The following GALNT14 variants were observed in gnomAD, a reference collection of about 807,000 sequenced individuals.
GALNT14 encodes UDP-GalNAc:polypeptide N-acetylgalactosaminyltransferase 14.
Under a neutral mutation model 77.5 loss-of-function variants are expected in GALNT14, and 60 were observed. The ratio of observed to expected loss-of-function variants is 0.77; its 90% CI spans 0.63 to 0.96. GALNT14 has a LOEUF of 0.96. Among genes scored for constraint, GALNT14 ranks in the 40% least tolerant of loss-of-function variants. The pLI is 0.00. For missense variants in GALNT14, 710 were observed against 731.0 expected (o/e 0.97, Z 0.33); for synonymous variants, 280 against 281.7 (o/e 0.99, Z 0.06).
the GALNT14 span, among the ~76,000 whole-genome samples, chr2:30,893,066 T>C: frequency 6.6e-6 from 1 of 152,220 alleles, no homozygotes; most frequent in African/African-American, 2.4e-5. Flanking sequence ...ATGAGAATGT[T>C]GTATAGCAAA....
chr2:30,944,415 T>C (rs1030252901), intron 8 of GALNT14, among the ~76,000 whole-genome samples: 1 of 152,208 alleles, frequency 6.6e-6, no homozygotes, highest in Non-Finnish European at 1.5e-5. Flanking sequence ...CAGCTGTGCT[T>C]ATGAATATGT....
intron 1 of GALNT14, among the ~76,000 whole-genome samples, chr2:31,067,602 C>T (rs1209944023): frequency 6.6e-6 from 1 of 152,136 alleles, no homozygotes; most frequent in Non-Finnish European, 1.5e-5. Flanking sequence ...AGGTGGCTTT[C>T]CATGCCTCAG....
chr2:30,888,003 G>A, the GALNT14 span, among the ~76,000 whole-genome samples: 6 of 152,170 alleles, frequency 3.9e-5, no homozygotes, highest in Non-Finnish European at 8.8e-5. Context: ...CTGTACTGCT[G>A]TTTCTTTCCC....
intron 1 of GALNT14, among the ~76,000 whole-genome samples, chr2:31,021,883 G>A (rs764837641): frequency 4.6e-5 from 7 of 152,342 alleles, no homozygotes; most frequent in Admixed American, 6.5e-5. Context: ...ATGTGATGTG[G>A]ATAGGTCCTT....
intron 2 of GALNT14, among the ~76,000 whole-genome samples, chr2:30,990,616 A>T (rs981329615): frequency 6.6e-6 from 1 of 152,246 alleles, no homozygotes; most frequent in Non-Finnish European, 1.5e-5. Context: ...TTGCTGATCC[A>T]GTTGGTGGCC....
chr2:30,970,913 G>C (rs1227207545), intron 2 of GALNT14, among the ~76,000 whole-genome samples: 1 of 152,162 alleles, frequency 6.6e-6, no homozygotes, highest in Non-Finnish European at 1.5e-5. Flanking sequence ...CTGAACTAAG[G>C]CTCAGAATCT....
chr2:30,939,678 G>T (rs1666263211), intron 9 of GALNT14, among the ~76,000 whole-genome samples: 1 of 152,116 alleles, frequency 6.6e-6, no homozygotes, highest in Admixed American at 6.5e-5. Flanking sequence ...GAGAGTATTG[G>T]AGCAGATGGA....
At chr2:30,893,058 G>A in the GALNT14 span, among the ~76,000 whole-genome samples, 1 of 152,148 alleles carries the variant, frequency 6.6e-6, no homozygotes, top group East Asian at 1.9e-4. Flanking sequence ...AAATGTACAT[G>A]AGAATGTTGT....
At chr2:30,897,701 G>A in the GALNT14 span, among the ~76,000 whole-genome samples, 1 of 152,206 alleles carries the variant, frequency 6.6e-6, no homozygotes, top group Non-Finnish European at 1.5e-5. Flanking sequence ...GCTCAGCAGA[G>A]GAGGCCGGGA....
chr2:31,022,932 C>T (rs1441457384), intron 1 of GALNT14, among the ~76,000 whole-genome samples: 1 of 152,184 alleles, frequency 6.6e-6, no homozygotes, highest in African/African-American at 2.4e-5. Flanking sequence ...GTCTGCTTAT[C>T]CAGGAGCTCA....
intron 3 of GALNT14, among the ~76,000 whole-genome samples, chr2:30,959,503 G>A (rs1667561038): frequency 6.6e-6 from 1 of 152,214 alleles, no homozygotes; most frequent in African/African-American, 2.4e-5. Flanking sequence ...CTTACTACAA[G>A]CTGTGTAATC....
intron 1 of GALNT14, among the ~76,000 whole-genome samples, chr2:31,046,978 G>A (rs1173392032): frequency 3.3e-5 from 5 of 152,162 alleles, no homozygotes; most frequent in Admixed American, 2.0e-4. Context: ...CTAAAGTTCC[G>A]GGCAGTTGAA....
chr2:31,020,561 C>G lies in GALNT14; in HGVS notation c.130-27554G>C, dbSNP rs142119988. Among the ~76,000 whole-genome samples, 563 of 152,266 alleles carry G rather than the reference C, an allele frequency of 3.7e-3. 2 individuals are homozygous for G. The highest frequency in any genetic ancestry group is 0.013 in the African/African-American group (542 of 41,544). On this transcript the variant is annotated intron_variant, in intron 1 of 14. Coordinates refer to ENST00000349752, the MANE Select transcript of GALNT14 (RefSeq NM_024572.4). ...GGGCTTATCTATACACCCAAGACACCTGACACCCCGGGGAAGCTATTTTTA... is the reference window on the plus strand; with the variant it reads ...GGGCTTATCTATACACCCAAGACACGTGACACCCCGGGGAAGCTATTTTTA...
chr2:31,087,489 A>AGAGAG (rs1453043367), intron 1 of GALNT14, among the ~76,000 whole-genome samples: 1 of 151,564 alleles, frequency 6.6e-6, no homozygotes, highest in Non-Finnish European at 1.5e-5. Context: ...GGAGAGGAGA[A>AGAGAG]GAGAGGAGAG....
intron 1 of GALNT14, among the ~76,000 whole-genome samples, chr2:30,994,999 T>C (rs968172659): frequency 2.0e-5 from 3 of 151,916 alleles, no homozygotes; most frequent in African/African-American, 7.3e-5. Flanking sequence ...GTCAAATGAG[T>C]TCGATCTTGA....
chr2:30,955,567 C>T (rs201069230), intron 6 of GALNT14, 51 bp downstream of exon 6: 707 of 1,596,520 alleles, frequency 4.4e-4, no homozygotes, highest in Non-Finnish European at 5.8e-4. Flanking sequence ...GAGAGAGAGC[C>T]TGGAGAAAGC....
intron 1 of GALNT14, among the ~76,000 whole-genome samples, chr2:31,106,187 C>G (rs189963216): frequency 6.6e-6 from 1 of 152,172 alleles, no homozygotes; most frequent in South Asian, 2.1e-4. Flanking sequence ...GCCCAACACC[C>G]AAATTCGTGC....
intron 1 of GALNT14, among the ~76,000 whole-genome samples, chr2:31,115,900 A>T (rs1046338690): frequency 1.2e-4 from 18 of 152,328 alleles, no homozygotes; most frequent in Middle Eastern, 3.4e-3. Context: ...TGCACAACTT[A>T]GTCCTAGCTA....
chr2:30,923,123 T>C (rs1019068468), intron 13 of GALNT14, among the ~76,000 whole-genome samples: 1 of 145,242 alleles, frequency 6.9e-6, no homozygotes, highest in Non-Finnish European at 1.5e-5. Context: ...AGTGCAATGG[T>C]GTGATCTCGG....
Sources: gnomAD v4.1 joint callset for allele counts (sites outside exome capture counted in the v4.1 genomes callset) on GRCh38, gnomAD v4.1.1 for gene constraint, MANE v1.5 for transcripts, NCBI Gene and HGNC (gene_info 2026-07-23, HGNC 2026-07-21) for gene names.